Variants in STXBP6 observed in about 807,000 individuals in gnomAD.
The protein encoded by STXBP6 is syntaxin binding protein 6, also known as syntaxin-binding protein 6.
STXBP6 carries 21 observed loss-of-function variants against 26.9 expected under a neutral mutation model. The observed-to-expected ratio is 0.78, with a 90% CI of 0.55 to 1.12. The LOEUF is 1.12. Among genes scored for constraint, STXBP6 ranks in the 50% most tolerant of loss-of-function variants. The probability of loss-of-function intolerance (pLI) is 0.00; values close to 1 mark genes in which losing one functional copy is unlikely to be tolerated. For missense variants in STXBP6, 232 were observed against 257.9 expected (o/e 0.90, Z 0.69); for synonymous variants, 97 against 92.6 (o/e 1.05, Z -0.27).
chr14:24,955,818 C>T (rs371354985), intron 2 of STXBP6, among the ~76,000 whole-genome samples: 1 of 152,308 alleles, frequency 6.6e-6, no homozygotes, highest in South Asian at 2.1e-4. Flanking sequence ...TGCAATAGCA[C>T]CTACTGCGTG....
chr14:24,934,805 T>C (rs964651740), intron 2 of STXBP6, among the ~76,000 whole-genome samples: 1 of 152,148 alleles, frequency 6.6e-6, no homozygotes, highest in Non-Finnish European at 1.5e-5. Flanking sequence ...AAAGTCACTC[T>C]CTAAAACAAA....
At chr14:24,970,418 A>G (rs1167416507) in intron 2 of STXBP6, among the ~76,000 whole-genome samples, 9 of 152,170 alleles carry the variant, frequency 5.9e-5, no homozygotes, top group Non-Finnish European at 1.2e-4. Context: ...CTTCTCAGTC[A>G]ATCCTGCCAC....
intron 1 of STXBP6, among the ~76,000 whole-genome samples, chr14:25,040,576 T>G (rs2075627054): frequency 6.6e-6 from 1 of 152,182 alleles, no homozygotes; most frequent in Non-Finnish European, 1.5e-5. Flanking sequence ...TGATAATGTA[T>G]AGGTAGTATT....
chr14:24,846,066 G>A (rs1020704037), intron 4 of STXBP6, among the ~76,000 whole-genome samples: 4 of 152,124 alleles, frequency 2.6e-5, no homozygotes, highest in South Asian at 4.1e-4. Context: ...CTCTTCCTCC[G>A]TGAATGAGAG....
At chr14:24,855,523 T>C (rs1334161169) in intron 4 of STXBP6, among the ~76,000 whole-genome samples, 1 of 152,100 alleles carries the variant, frequency 6.6e-6, no homozygotes, top group Non-Finnish European at 1.5e-5. Context: ...TCTGTTGGAA[T>C]TTTTATATTA....
At chr14:25,008,412 A>C (rs912067141) in intron 1 of STXBP6, among the ~76,000 whole-genome samples, 1 of 152,118 alleles carries the variant, frequency 6.6e-6, no homozygotes, top group Non-Finnish European at 1.5e-5. Context: ...TGAGCCCAAG[A>C]GGTCGAGGCT....
At chr14:25,002,256 A>G (rs192208375) in intron 1 of STXBP6, among the ~76,000 whole-genome samples, 349 of 152,290 alleles carry the variant, frequency 2.3e-3, no homozygotes, top group African/African-American at 8.1e-3. Context: ...ATTGATCATG[A>G]CAGACTATTT....
At chr14:25,015,945 T>C (rs1484982750) in intron 1 of STXBP6, among the ~76,000 whole-genome samples, 2 of 152,298 alleles carry the variant, frequency 1.3e-5, no homozygotes, top group Middle Eastern at 3.4e-3. Flanking sequence ...TTGAACCAAC[T>C]GCCAAGGTTA....
intron 2 of STXBP6, among the ~76,000 whole-genome samples, chr14:24,928,620 C>A (rs555097204): frequency 6.6e-6 from 1 of 152,210 alleles, no homozygotes; most frequent in East Asian, 1.9e-4. Flanking sequence ...ACTGATAAAC[C>A]TAAATATAGA....
chr14:24,898,160 C>T (rs902566871), intron 2 of STXBP6, among the ~76,000 whole-genome samples: 2 of 152,210 alleles, frequency 1.3e-5, no homozygotes, highest in Non-Finnish European at 2.9e-5. Context: ...GAGACCTCAG[C>T]TCGGAAGCTT....
chr14:25,014,588 G>A (rs1053558640), intron 1 of STXBP6, among the ~76,000 whole-genome samples: 15 of 152,210 alleles, frequency 9.9e-5, no homozygotes, highest in African/African-American at 2.7e-4. Context: ...CTCAGCTACC[G>A]TGCAAGGCAC....
chr14:24,955,543 C>T (rs1424946906), intron 2 of STXBP6, among the ~76,000 whole-genome samples: 2 of 152,208 alleles, frequency 1.3e-5, no homozygotes, highest in African/African-American at 4.8e-5. Context: ...GGGCTCTAGG[C>T]ATGATTGCAG....
At chr14:24,944,762 C>G (rs1016205752) in intron 2 of STXBP6, among the ~76,000 whole-genome samples, 1 of 152,078 alleles carries the variant, frequency 6.6e-6, no homozygotes, top group Admixed American at 6.6e-5. Context: ...ATCTTCTTCA[C>G]CTGTTTTGTA....
At chr14:24,905,798 C>A (rs2071366552) in intron 2 of STXBP6, among the ~76,000 whole-genome samples, 1 of 152,156 alleles carries the variant, frequency 6.6e-6, no homozygotes, top group Non-Finnish European at 1.5e-5. Flanking sequence ...CAATGTAAGA[C>A]CAAGATAGGA....
In STXBP6 at chr14:24,901,286, T is replaced by C. The variant is rs531928847; in HGVS notation, c.155-44129A>G. Reference sequence around the variant, plus strand: ...TTACGATCATTTTAGACAAACACTGTTTTTTGAGATTGAAAAAAAATAAAT... The same window carrying C: ...TTACGATCATTTTAGACAAACACTGCTTTTTGAGATTGAAAAAAAATAAAT... On this transcript the variant is annotated intron_variant, in intron 2 of 5. Coordinates refer to ENST00000323944, the MANE Select transcript of STXBP6 (RefSeq NM_001394410.1). Among the ~76,000 whole-genome samples, 13 of 152,220 alleles carry C rather than the reference T, an allele frequency of 8.5e-5. No individual in the cohort carries two copies. The East Asian group carries it at 2.5e-3, about 29-fold the overall frequency.
At chr14:24,916,184 A>G in intron 2 of STXBP6, among the ~76,000 whole-genome samples, 1 of 152,136 alleles carries the variant, frequency 6.6e-6, no homozygotes, top group East Asian at 1.9e-4. Flanking sequence ...GTTTTGTGAT[A>G]AGGGCATCTG....
intron 2 of STXBP6, among the ~76,000 whole-genome samples, chr14:24,945,698 T>C (rs147395027): frequency 4.5e-4 from 69 of 152,214 alleles, no homozygotes; most frequent in African/African-American, 1.6e-3. Context: ...TGTTGCAAAA[T>C]AATAATAATT....
At chr14:24,944,196 T>A (rs1416712235) in intron 2 of STXBP6, among the ~76,000 whole-genome samples, 3 of 152,120 alleles carry the variant, frequency 2.0e-5, no homozygotes, top group African/African-American at 7.2e-5. Context: ...GGAGAAACAG[T>A]AAAGCTCGGA....
intron 2 of STXBP6, among the ~76,000 whole-genome samples, chr14:24,908,914 C>T (rs949127782): frequency 3.3e-5 from 5 of 152,026 alleles, no homozygotes; most frequent in Admixed American, 2.6e-4. Context: ...AGCTCAAGGA[C>T]AAGTTAATGG....
Sources: allele counts gnomAD v4.1 joint callset (sites outside exome capture counted in the v4.1 genomes callset), GRCh38; gene constraint gnomAD v4.1.1; transcripts MANE v1.5; gene names NCBI Gene and HGNC (gene_info 2026-07-23, HGNC 2026-07-21).